The following TPTE variants were observed in gnomAD, a reference collection of about 807,000 sequenced individuals.
The protein encoded by TPTE is putative tyrosine-protein phosphatase TPTE.
In TPTE, 59 loss-of-function variants were observed where a neutral mutation model predicts 84.1. That is an observed-to-expected ratio of 0.70 (90% confidence interval 0.57 to 0.87). The LOEUF (loss-of-function observed/expected upper bound fraction) is 0.87, where lower values mean the gene tolerates loss of function less well. Ranked by LOEUF, TPTE falls within the 40% of genes least tolerant of loss-of-function variation. The pLI, the probability that TPTE is intolerant of heterozygous loss-of-function variation, is 0.00. For missense variants in TPTE, 382 were observed against 659.6 expected (o/e 0.58, Z 4.61); for synonymous variants, 130 against 223.5 (o/e 0.58, Z 3.73).
At chr21:10,580,659 A>G (rs2075255735) in intron 17 of TPTE, among the ~76,000 whole-genome samples, 1 of 152,310 alleles carries the variant, frequency 6.6e-6, no homozygotes, top group East Asian at 1.9e-4. Context: ...AGCTGAGTAT[A>G]AATGCATGGA....
At chr21:10,531,058 A>G (rs910162079) in intron 3 of TPTE, among the ~76,000 whole-genome samples, 6 of 152,308 alleles carry the variant, frequency 3.9e-5, no homozygotes, top group African/African-American at 1.2e-4. Flanking sequence ...ATATTTTAGA[A>G]TAAGTTAATC....
intron 21 of TPTE, among the ~76,000 whole-genome samples, chr21:10,601,645 G>A (rs1189156652): frequency 6.6e-6 from 1 of 152,312 alleles, no homozygotes; most frequent in Non-Finnish European, 1.5e-5. Flanking sequence ...CTTGAAGCAG[G>A]AGTTTGAGAC....
intron 14 of TPTE, among the ~76,000 whole-genome samples, chr21:10,573,622 A>C (rs1405947465): frequency 6.6e-6 from 1 of 152,280 alleles, no homozygotes; most frequent in East Asian, 1.9e-4. Context: ...AGATATGCTG[A>C]TTATCCTGAT....
intron 17 of TPTE, among the ~76,000 whole-genome samples, chr21:10,584,740 T>TC (rs1159375995): frequency 7.2e-5 from 11 of 152,416 alleles, no homozygotes; most frequent in African/African-American, 2.6e-4. Flanking sequence ...TTATATTTTT[T>TC]CCATTTCAGT....
rs1214149341 is a variant in TPTE, at chr21:10,589,365, C to G, written c.1028-1097C>G. On this transcript the variant is annotated intron_variant, in intron 17 of 23. Transcript: ENST00000618007. ...CGCCATGGGTAAGAGCTGGCTGTTGCCAGTGCTGCTGGCTGTGTACTTCAT... is the reference window on the plus strand; with the variant it reads ...CGCCATGGGTAAGAGCTGGCTGTTGGCAGTGCTGCTGGCTGTGTACTTCAT... 7.2e-5 allele frequency among the ~76,000 whole-genome samples: 11 copies of G among 152,408 alleles called. No homozygotes were observed. In the East Asian group the frequency reaches 9.6e-4, roughly 13 times the overall value.
chr21:10,588,481 A>G (rs538938862), intron 17 of TPTE, among the ~76,000 whole-genome samples: 3 of 152,426 alleles, frequency 2.0e-5, no homozygotes, highest in East Asian at 3.8e-4. Context: ...TCTGGTGAGT[A>G]TATGCCTTGG....
intron 8 of TPTE, among the ~76,000 whole-genome samples, chr21:10,559,164 C>T (rs1322599148): frequency 6.6e-6 from 1 of 152,310 alleles, no homozygotes; most frequent in Non-Finnish European, 1.5e-5. Flanking sequence ...TCTTCTACCA[C>T]CCTTTTCTGT....
chr21:10,604,545 G>A (rs1372670533), intron 23 of TPTE, among the ~76,000 whole-genome samples: 2 of 152,304 alleles, frequency 1.3e-5, no homozygotes, highest in Non-Finnish European at 2.9e-5. Flanking sequence ...CTGCACACTT[G>A]CAATGCAAAA....
At chr21:10,557,610 A>G (rs1296388232) in intron 8 of TPTE, among the ~76,000 whole-genome samples, 1 of 152,308 alleles carries the variant, frequency 6.6e-6, no homozygotes, top group African/African-American at 2.4e-5. Flanking sequence ...TTGATCCTCC[A>G]TCTACATCAG....
Position 10,605,533 on chromosome 21 carries a change from T to C in TPTE, c.1637T>C (p.Val546Ala), listed in dbSNP as rs753090991. The change falls in exon 24 of 24, where the codon GTT (valine) becomes GCT (alanine). Residue 546 changes from valine (V) to alanine (A), a missense_variant. Val to Ala is a moderately conservative substitution (Grantham distance 64). Transcript: ENST00000618007. ...GGCGAGAAAATGACTTCCAGTGATG[T>C]TGTAGCTGGATCCGATTAAGTATAG... is the stretch of plus-strand genomic sequence containing the variant. Reference protein sequence around the residue: ...LFGEKMTSSDVVAGSD With the variant: ...LFGEKMTSSDAVAGSD 6.2e-7 allele frequency: 1 copy of C among 1,614,148 alleles called. No individual in the cohort carries two copies. Among genetic ancestry groups the C allele is most frequent in the Admixed American group, 1.7e-5 (1 of 60,016 alleles).
At chr21:10,589,484 G>A (rs757106410) in intron 17 of TPTE, among the ~76,000 whole-genome samples, 3 of 152,096 alleles carry the variant, frequency 2.0e-5, no homozygotes, top group Non-Finnish European at 4.4e-5. Flanking sequence ...CTAGGGGTAG[G>A]GGGATTGGGG....
intron 4 of TPTE, 95 bp downstream of exon 4, chr21:10,538,829 T>G: frequency 6.2e-7 from 1 of 1,612,660 alleles, no homozygotes; most frequent in Non-Finnish European, 8.5e-7. Context: ...TATCCATCCA[T>G]CCATCCATGC....
chr21:10,550,786 A>AT (rs2074558333), intron 7 of TPTE, among the ~76,000 whole-genome samples: 2 of 152,312 alleles, frequency 1.3e-5, no homozygotes, highest in Non-Finnish European at 2.9e-5. Flanking sequence ...CTCACCTAAC[A>AT]GCTGCAGAAT....
intron 8 of TPTE, among the ~76,000 whole-genome samples, chr21:10,554,309 C>G (rs1447169348): frequency 1.3e-5 from 2 of 152,306 alleles, no homozygotes; most frequent in Admixed American, 6.5e-5. Context: ...GAGGCTAAAT[C>G]TCTGTATATT....
At chr21:10,543,598 A>G (rs946342052) in intron 7 of TPTE, among the ~76,000 whole-genome samples, 1 of 152,304 alleles carries the variant, frequency 6.6e-6, no homozygotes, top group African/African-American at 2.4e-5. Context: ...ATGGCCATAC[A>G]GAGTGTTTTT....
chr21:10,593,099 CA>C (rs2075517108), intron 19 of TPTE, among the ~76,000 whole-genome samples: 1 of 152,308 alleles, frequency 6.6e-6, no homozygotes, highest in African/African-American at 2.4e-5. Flanking sequence ...AACAGTATTT[CA>C]GCTGGCGCCA....
At chr21:10,584,711 A>G (rs1340162743) in intron 17 of TPTE, among the ~76,000 whole-genome samples, 2 of 152,306 alleles carry the variant, frequency 1.3e-5, no homozygotes, top group African/African-American at 4.8e-5. Flanking sequence ...ACACGATTAC[A>G]TCATATGAAA....
At chr21:10,548,850 C>T (rs1407132329) in intron 7 of TPTE, among the ~76,000 whole-genome samples, 1 of 152,310 alleles carries the variant, frequency 6.6e-6, no homozygotes, top group African/African-American at 2.4e-5. Context: ...TGTGTGCCTG[C>T]ATCCTGGGCC....
chr21:10,566,661 GTAT>G (rs2074927879), intron 10 of TPTE, among the ~76,000 whole-genome samples: 1 of 152,306 alleles, frequency 6.6e-6, no homozygotes, highest in South Asian at 2.1e-4. Flanking sequence ...ACACAAGAGA[GTAT>G]TATTTAGCCA....
Sources: allele counts gnomAD v4.1 joint callset (sites outside exome capture counted in the v4.1 genomes callset), GRCh38; gene constraint gnomAD v4.1.1; transcripts MANE v1.5; gene names NCBI Gene and HGNC (gene_info 2026-07-23, HGNC 2026-07-21).